SHMT1: variants seen among roughly 807,000 people sequenced by gnomAD.
SHMT1 encodes the protein serine hydroxymethyltransferase 1.
In SHMT1, 45 loss-of-function variants were observed where a neutral mutation model predicts 49.0. That is an observed-to-expected ratio of 0.92 (90% CI 0.72 to 1.18). The LOEUF (loss-of-function observed/expected upper bound fraction) is 1.18, where lower values mean the gene tolerates loss of function less well. SHMT1 is among the 50% of genes most tolerant of loss of function. The probability of loss-of-function intolerance (pLI) is 0.00; values close to 1 mark genes in which losing one functional copy is unlikely to be tolerated. For missense variants in SHMT1, 541 were observed against 612.4 expected, an observed-to-expected ratio of 0.88 and a Z score of 1.23; for synonymous variants, 232 against 246.6, an observed-to-expected ratio of 0.94 and a Z score of 0.55.
chr17:18,361,167 G>A (rs967197319), intron 1 of SHMT1, among the ~76,000 whole-genome samples: 4 of 151,952 alleles, frequency 2.6e-5, no homozygotes, highest in African/African-American at 9.7e-5. Context: ...TGAGCTGGGT[G>A]TGTGGTGCGC....
At chr17:18,359,821 C>A (rs1567797634) in intron 1 of SHMT1, among the ~76,000 whole-genome samples, 1 of 152,030 alleles carries the variant, frequency 6.6e-6, no homozygotes, top group Non-Finnish European at 1.5e-5. Flanking sequence ...TGGCGCCCGC[C>A]TGTAATTCCA....
At chr17:18,337,984 T>G (rs1037151081) in intron 7 of SHMT1, among the ~76,000 whole-genome samples, 8 of 144,688 alleles carry the variant, frequency 5.5e-5, no homozygotes, top group African/African-American at 2.1e-4. Context: ...AGCCTCTGCC[T>G]GGCCGCCACC....
chr17:18,361,189 C>CA (rs1336905851), intron 1 of SHMT1, among the ~76,000 whole-genome samples: 1 of 150,956 alleles, frequency 6.6e-6, no homozygotes, highest in Non-Finnish European at 1.5e-5. Context: ...CCTGTAACCC[C>CA]AGCTACTCAG....
intron 7 of SHMT1, among the ~76,000 whole-genome samples, 188 bp from the exon 8 acceptor site, chr17:18,335,863 A>AT (rs1322715091): frequency 2.0e-5 from 3 of 152,132 alleles, no homozygotes; most frequent in Non-Finnish European, 2.9e-5. Flanking sequence ...CAGTATCTTT[A>AT]TTTTTTGGAA....
rs750675442 is a variant in SHMT1 at position 18,329,346 on chromosome 17, G to GT, written c.1213dup (p.Thr405AsnfsTer52). The GT allele has an allele frequency of 1.2e-6, 2 of 1,612,938 alleles. No individual in the cohort carries two copies. On this transcript the variant is annotated frameshift_variant, in exon 11 of 12. Coordinates refer to ENST00000316694, the MANE Select transcript of SHMT1 (RefSeq NM_004169.5). LOFTEE classifies it high-confidence loss of function. ...AAGTCCACGGGACGTCAGTGCTGGGGTCCCCAGCCGCAGTCCACTGGGCCG... is the reference window on the plus strand; with the variant it reads ...AAGTCCACGGGACGTCAGTGCTGGGGTTCCCCAGCCGCAGTCCACTGGGCCG...
chr17:18,343,981 A>G (rs1329564862), intron 5 of SHMT1, among the ~76,000 whole-genome samples: 1 of 151,244 alleles, frequency 6.6e-6, no homozygotes, highest in African/African-American at 2.4e-5. Flanking sequence ...CATAGAGCGC[A>G]CCACAGGAAA....
chr17:18,336,550 C>T (rs1983813316), intron 7 of SHMT1, among the ~76,000 whole-genome samples: 1 of 151,916 alleles, frequency 6.6e-6, no homozygotes, highest in African/African-American at 2.4e-5. Context: ...TCTGTAATTC[C>T]AGCTACTCAG....
At chr17:18,335,721 T>C (rs2151571034) in intron 7 of SHMT1, 46 bp from the exon 8 acceptor site, 1 of 1,368,596 alleles carries the variant, frequency 7.3e-7, no homozygotes, top group Non-Finnish European at 1.0e-6. Flanking sequence ...GGCTGTCCCC[T>C]CTTTTTCTTT....
chr17:18,332,746 G>C, intron 9 of SHMT1: 1 of 305,008 alleles, frequency 3.3e-6, no homozygotes. Flanking sequence ...AAACTGGGAG[G>C]GGAGAGCCCC....
chr17:18,345,844 G>A (rs1985033957), intron 5 of SHMT1, among the ~76,000 whole-genome samples: 1 of 151,168 alleles, frequency 6.6e-6, no homozygotes, highest in Non-Finnish European at 1.5e-5. Context: ...CCACACCTGA[G>A]GAATTTTTTG....
chr17:18,347,452 G>C (rs923355485), intron 5 of SHMT1, 44 bp downstream of exon 5: 1 of 1,606,732 alleles, frequency 6.2e-7, no homozygotes, highest in East Asian at 2.2e-5. Flanking sequence ...AAGCATCAGA[G>C]GTTTCCCAAG....
rs749672987 is a variant in SHMT1, at chr17:18,333,148, C to T, written c.1054+18G>A. ...CAACCACAAGAACAGGCCTGCTGAA[C>T]ACCATCTGTGTCTCTACCTGTGACT... On this transcript the variant is annotated intron_variant, in intron 9 of 11. Transcript: ENST00000316694. 7.4e-6 allele frequency: 12 copies of T among 1,613,764 alleles called. No homozygotes were observed. In the East Asian group the frequency reaches 1.6e-4, roughly 21 times the overall value.
intron 5 of SHMT1, among the ~76,000 whole-genome samples, chr17:18,346,165 G>C (rs1424170996): frequency 2.0e-5 from 3 of 152,036 alleles, no homozygotes; most frequent in Non-Finnish European, 4.4e-5. Flanking sequence ...CAGAACCATG[G>C]ACAGCATGCA....
At chr17:18,339,049 T>TA (rs34704448) in intron 7 of SHMT1, among the ~76,000 whole-genome samples, 440 of 26,878 alleles carry the variant, frequency 0.016, 35 homozygotes, top group African/African-American at 0.048. Context: ...CAATAAATAC[T>TA]AAAAAAAAAA....
chr17:18,348,502 G>A, intron 3 of SHMT1, 62 bp from the exon 4 acceptor site: 10 of 1,204,866 alleles, frequency 8.3e-6, no homozygotes, highest in Non-Finnish European at 1.2e-5. Context: ...GCTTCACAGA[G>A]GCCAAAGAAG....
rs1982816361 is a variant in SHMT1 at position 18,328,687 on chromosome 17, G to A, written c.*63C>T. 6.5e-7 allele frequency: 1 copy of A among 1,530,494 alleles called. No individual in the cohort carries two copies. 94.8% of individuals were successfully genotyped at this position (1,530,494 alleles called of 1,614,324 possible). On this transcript the variant is annotated 3_prime_UTR_variant, in exon 12 of 12. Coordinates refer to ENST00000316694, the MANE Select transcript of SHMT1 (RefSeq NM_004169.5). The stretch of plus-strand genomic sequence containing the variant: ...GGAGCAGCTCATCCATCTCTCAGGT[G>A]GGGGTCCTCCGGCAGGCAGCTTCCT...
intron 5 of SHMT1, among the ~76,000 whole-genome samples, chr17:18,342,291 C>A (rs1984606410): frequency 6.6e-6 from 1 of 152,086 alleles, no homozygotes; most frequent in African/African-American, 2.4e-5. Flanking sequence ...GTGAAATACG[C>A]CAGGCTCAGA....
In SHMT1 at chr17:18,328,366, C is replaced by T; in HGVS notation, c.*384G>A. On this transcript the variant is annotated 3_prime_UTR_variant, in exon 12 of 12. Coordinates refer to ENST00000316694, the MANE Select transcript of SHMT1 (RefSeq NM_004169.5). ...GTACAAGCTGTGGACATGGGCATTT[C>T]CTCTCTGTTGCAGCAAGGCGGAGGA... 2 of 290,636 alleles carry T rather than the reference C, an allele frequency of 6.9e-6. No homozygotes were observed. The highest frequency in any genetic ancestry group is 6.6e-5 in the South Asian group (2 of 30,218). 18.0% of individuals were successfully genotyped at this position (290,636 alleles called of 1,614,324 possible).
chr17:18,338,283 C>T (rs1252451723), intron 7 of SHMT1, among the ~76,000 whole-genome samples: 3 of 145,620 alleles, frequency 2.1e-5, no homozygotes, highest in African/African-American at 7.6e-5. Flanking sequence ...AAGTGAGGAG[C>T]CCCTCCGCCT....
Sources: gnomAD v4.1 joint callset for allele counts (sites outside exome capture counted in the v4.1 genomes callset) on GRCh38, gnomAD v4.1.1 for gene constraint, MANE v1.5 for transcripts, NCBI Gene and HGNC (gene_info 2026-07-23, HGNC 2026-07-21) for gene names.